GRAMD4: variants seen among roughly 807,000 people sequenced by gnomAD.
The protein encoded by GRAMD4 is GRAM domain containing 4.
Under a neutral mutation model 83.9 loss-of-function variants are expected in GRAMD4, and 25 were observed. The observed-to-expected ratio is 0.30, with a 90% CI of 0.22 to 0.42. The LOEUF (loss-of-function observed/expected upper bound fraction) is 0.42. Ranked by LOEUF, GRAMD4 falls within the 10% of genes least tolerant of loss-of-function variation. GRAMD4 has a pLI of 1.00. For synonymous variants in GRAMD4, 336 were observed against 320.9 expected (o/e 1.05, Z -0.50); for missense variants, 593 against 788.7 (o/e 0.75, Z 2.97).
chr22:46,680,945 CCCACCCAG>C (rs1430801405), downstream of GRAMD4, among the ~76,000 whole-genome samples: 1 of 132,984 alleles, frequency 7.5e-6, no homozygotes, highest in Admixed American at 7.7e-5. Context: ...CACCCACCCA[CCCACCCAG>C]CCAGCCAAGT....
In GRAMD4 at chr22:46,597,095, A is replaced by G. The variant is rs537289607; in HGVS notation, c.-50+19805A>G. ...CCCTCCCCTGGGAATCGGCGGCCAG[A>G]CCTTTGGGTCCTTTGGAGAGCTGCA... is the stretch of plus-strand genomic sequence containing the variant. On this transcript the variant is annotated intron_variant, in intron 1 of 1. Transcript: ENST00000431155. Among the ~76,000 whole-genome samples the G allele has an allele frequency of 4.6e-5, 7 of 152,210 alleles. No homozygotes were observed. The South Asian group carries it at 1.2e-3, about 27-fold the overall frequency.
At chr22:46,653,778 G>C (rs2082201537) in intron 3 of GRAMD4, among the ~76,000 whole-genome samples, 1 of 152,210 alleles carries the variant, frequency 6.6e-6, no homozygotes, top group East Asian at 1.9e-4. Flanking sequence ...GATCAGAGGA[G>C]GTGATGTGTG....
chr22:46,627,026 C>A, intron 2 of GRAMD4, 65 bp downstream of exon 2: 2 of 1,145,664 alleles, frequency 1.7e-6, no homozygotes, highest in Non-Finnish European at 2.6e-6. Context: ...GTGGCCGGGC[C>A]AAGCGTGGAC....
chr22:46,618,419 T>C (rs1398104898), upstream of GRAMD4, among the ~76,000 whole-genome samples: 2 of 152,046 alleles, frequency 1.3e-5, no homozygotes, highest in South Asian at 2.1e-4. The surrounding 1 kb of genome is among the most constrained non-coding windows in gnomAD (Gnocchi z 5.8). Context: ...ATGGGGCAAA[T>C]GAGCGACGTC....
At chr22:46,601,391 C>T (rs2081311048) in intron 1 of GRAMD4, among the ~76,000 whole-genome samples, 1 of 152,144 alleles carries the variant, frequency 6.6e-6, no homozygotes, top group Admixed American at 6.5e-5. Context: ...CTGGGCCACA[C>T]TTTGAGAACC....
rs1015344142 is a variant in GRAMD4 at position 46,659,794 on chromosome 22, C to T, written c.404+1487C>T. Among the ~76,000 whole-genome samples, 1 of 152,216 alleles carries T rather than the reference C, an allele frequency of 6.6e-6. No homozygotes were observed. The highest frequency in any genetic ancestry group is 1.5e-5 in the Non-Finnish European group (1 of 68,026). ...ACTTTCCTATTCCGCCCTGGCAGAA[C>T]CTCCCAGACCAGAAATGGGTGCATG... On this transcript the variant is annotated intron_variant, in intron 4 of 18. Transcript: ENST00000406902. The surrounding 1 kb of genome is among the most constrained non-coding windows in gnomAD (Gnocchi z 4.1).
chr22:46,678,856 G>C lies in GRAMD4; in HGVS notation c.*1605G>C, dbSNP rs1284602533. 2 of 985,968 alleles carry C rather than the reference G, an allele frequency of 2.0e-6. No individual in the cohort carries two copies. Among genetic ancestry groups the C allele is most frequent in the Non-Finnish European group, 2.4e-6 (2 of 830,046 alleles). 61.1% of individuals were successfully genotyped at this position (985,968 alleles called of 1,614,324 possible). ...TTGGGGGGAGCTGCGCCGATCACCA[G>C]ATTAAGCACATGTCCTATCCCAGGC... is the stretch of plus-strand genomic sequence containing the variant. On this transcript the variant is annotated 3_prime_UTR_variant, in exon 19 of 19. Coordinates refer to ENST00000406902, the MANE Select transcript of GRAMD4 (RefSeq NM_015124.5).
chr22:46,621,480 G>A lies in GRAMD4; in HGVS notation c.-50+915G>A, dbSNP rs1349934439. ...ACCCCGGTGCAGGCGCAGGCTGGAG[G>A]CGTAGCCCGGGCCCATCCCTGGCGG... On this transcript the variant is annotated intron_variant, in intron 1 of 18. Coordinates refer to ENST00000406902, the MANE Select transcript of GRAMD4 (RefSeq NM_015124.5). This position sits in a 1 kb window ranked among gnomAD's most constrained non-coding sequence, Gnocchi z 5.8. Among the ~76,000 whole-genome samples the A allele has an allele frequency of 3.3e-5, 5 of 152,002 alleles. No homozygotes were observed. The East Asian group carries it at 7.8e-4, about 24-fold the overall frequency.
upstream of GRAMD4, among the ~76,000 whole-genome samples, chr22:46,617,150 A>G (rs562419960): frequency 1.1e-4 from 13 of 121,838 alleles, no homozygotes; most frequent in Admixed American, 9.2e-4. Flanking sequence ...CTGTGTGTGT[A>G]GGTTCCCCCG....
At chr22:46,611,667 G>A (rs1293698481) in intron 1 of GRAMD4, among the ~76,000 whole-genome samples, 1 of 151,924 alleles carries the variant, frequency 6.6e-6, no homozygotes, top group Non-Finnish European at 1.5e-5. Context: ...GGAACTGTTG[G>A]TGACATTATT....
At chr22:46,618,183 G>A (rs2081528369), upstream of GRAMD4, among the ~76,000 whole-genome samples, 1 of 152,152 alleles carries the variant, frequency 6.6e-6, no homozygotes, top group Admixed American at 6.5e-5. The surrounding 1 kb of genome is among the most constrained non-coding windows in gnomAD (Gnocchi z 5.8). Context: ...GCTCTGCAGA[G>A]GGAGACTCGG....
rs544685105 is a variant in GRAMD4, at chr22:46,651,527, G to T, written c.284-6660G>T. Among the ~76,000 whole-genome samples, 329 of 152,328 alleles carry T rather than the reference G, an allele frequency of 2.2e-3. 1 individual carries two copies. The highest frequency in any genetic ancestry group is 7.5e-3 in the African/African-American group (311 of 41,568). On this transcript the variant is annotated intron_variant, in intron 3 of 18. Transcript: ENST00000406902. ...GCAGGTGTGATATCACACGCATCCT[G>T]GTGCACCCGGGCAGCCTCCCATCCC...
chr22:46,605,388 C>G (rs2081355227), intron 1 of GRAMD4, among the ~76,000 whole-genome samples: 2 of 152,248 alleles, frequency 1.3e-5, no homozygotes, highest in Non-Finnish European at 2.9e-5. Context: ...CCTTTTGGCT[C>G]TTACGAAAAA....
chr22:46,632,410 GT>G (rs2081789068), intron 2 of GRAMD4, among the ~76,000 whole-genome samples: 1 of 152,212 alleles, frequency 6.6e-6, no homozygotes, highest in Admixed American at 6.5e-5. Flanking sequence ...TGAGGCAAAA[GT>G]TGGAGAAAAT....
chr22:46,676,457 C>A (rs2082599968), intron 17 of GRAMD4, 143 bp from the exon 18 acceptor site: 6 of 671,842 alleles, frequency 8.9e-6, no homozygotes, highest in African/African-American at 8.9e-5. Flanking sequence ...CAGGCCCTTA[C>A]CTTCTGTTGT....
At chr22:46,618,273 C>G (rs912253685), upstream of GRAMD4, among the ~76,000 whole-genome samples, 1 of 152,076 alleles carries the variant, frequency 6.6e-6, no homozygotes, top group Non-Finnish European at 1.5e-5. This position sits in a 1 kb window ranked among gnomAD's most constrained non-coding sequence, Gnocchi z 5.8. Context: ...GCCCCTGCCC[C>G]GGGGGAGCAC....
chr22:46,649,303 G>A (rs2082131110), intron 3 of GRAMD4, among the ~76,000 whole-genome samples: 1 of 152,148 alleles, frequency 6.6e-6, no homozygotes, highest in Non-Finnish European at 1.5e-5. Flanking sequence ...TGGCTGCTGG[G>A]TGCCAAGCGC....
chr22:46,669,625 G>A (rs1601677599), intron 13 of GRAMD4, among the ~76,000 whole-genome samples: 2 of 150,944 alleles, frequency 1.3e-5, no homozygotes, highest in South Asian at 4.2e-4. Flanking sequence ...GCCCAGGCTG[G>A]AGTGCAGTGG....
At chr22:46,610,177 C>T (rs1426847387) in intron 1 of GRAMD4, among the ~76,000 whole-genome samples, 1 of 152,218 alleles carries the variant, frequency 6.6e-6, no homozygotes, top group Admixed American at 6.5e-5. Context: ...CTTAAGAGGA[C>T]TGGATGGTGG....
Sources: gnomAD v4.1 joint callset for allele counts (sites outside exome capture counted in the v4.1 genomes callset) on GRCh38, gnomAD v4.1.1 for gene constraint, Gnocchi (gnomAD v3.1) non-coding constraint, MANE v1.5 for transcripts, NCBI Gene and HGNC (gene_info 2026-07-23, HGNC 2026-07-21) for gene names.